Variants in SGMS1 observed in about 807,000 individuals in gnomAD.
The protein encoded by SGMS1 is sphingomyelin synthase 1.
In SGMS1, 13 loss-of-function variants were observed where a neutral mutation model predicts 46.2. The observed-to-expected ratio is 0.28, with a 90% confidence interval of 0.18 to 0.45. The LOEUF (loss-of-function observed/expected upper bound fraction) is 0.45. SGMS1 is among the 20% of genes least tolerant of loss of function. The probability of loss-of-function intolerance (pLI) is 1.00; values close to 1 mark genes in which losing one functional copy is unlikely to be tolerated. For synonymous variants in SGMS1, 203 were observed against 187.8 expected, an observed-to-expected ratio of 1.08 and a Z score of -0.66; for missense variants, 324 against 519.9, an observed-to-expected ratio of 0.62 and a Z score of 3.66.
At chr10:50,402,511 T>C (rs139577014) in intron 6 of SGMS1, among the ~76,000 whole-genome samples, 1 of 152,274 alleles carries the variant, frequency 6.6e-6, no homozygotes, top group African/African-American at 2.4e-5. Context: ...GCCAAGAAAA[T>C]ACTGCACAGT....
chr10:50,596,769 T>A (rs1012873934), intron 1 of SGMS1, among the ~76,000 whole-genome samples: 4 of 152,214 alleles, frequency 2.6e-5, no homozygotes, highest in African/African-American at 9.6e-5. Context: ...CTGCTCAGCA[T>A]GTTTCCTGCA....
intron 5 of SGMS1, among the ~76,000 whole-genome samples, chr10:50,452,204 A>T (rs573233456): frequency 6.6e-6 from 1 of 152,278 alleles, no homozygotes; most frequent in Admixed American, 6.5e-5. Context: ...GACAAAAATA[A>T]ATCTCATTTT....
intron 1 of SGMS1, among the ~76,000 whole-genome samples, chr10:50,618,798 C>T (rs755849815): frequency 3.9e-5 from 6 of 152,292 alleles, no homozygotes; most frequent in Non-Finnish European, 5.9e-5. Flanking sequence ...CTTAGAGCAG[C>T]GGTTCTCAAA....
chr10:50,386,467 C>T (rs1848684037), intron 6 of SGMS1, among the ~76,000 whole-genome samples: 2 of 152,162 alleles, frequency 1.3e-5, no homozygotes. Flanking sequence ...CTAAGCTCTT[C>T]AGCGTCCACA....
At chr10:50,369,740 A>C (rs2133440807) in intron 6 of SGMS1, among the ~76,000 whole-genome samples, 1 of 152,350 alleles carries the variant, frequency 6.6e-6, no homozygotes, top group East Asian at 1.9e-4. Flanking sequence ...AAGTTCTGCC[A>C]ATTCTACCTC....
At chr10:50,383,856 T>C (rs1239039387) in intron 6 of SGMS1, among the ~76,000 whole-genome samples, 1 of 152,138 alleles carries the variant, frequency 6.6e-6, no homozygotes, top group Non-Finnish European at 1.5e-5. Context: ...TAGGGCTATG[T>C]TTAGTAATAT....
At chr10:50,424,805 G>A (rs1425981959) in intron 6 of SGMS1, among the ~76,000 whole-genome samples, 3 of 151,858 alleles carry the variant, frequency 2.0e-5, no homozygotes, top group African/African-American at 7.3e-5. Flanking sequence ...CCAGCTACTC[G>A]GGAGGCTGAG....
chr10:50,434,995 G>A (rs1347707164), intron 5 of SGMS1, among the ~76,000 whole-genome samples: 1 of 151,960 alleles, frequency 6.6e-6, no homozygotes, highest in Non-Finnish European at 1.5e-5. Context: ...AAATAGCAAG[G>A]AAGAACTGAG....
chr10:50,603,963 AG>A (rs547010908), intron 1 of SGMS1, among the ~76,000 whole-genome samples: 416 of 152,360 alleles, frequency 2.7e-3, no homozygotes, highest in African/African-American at 9.7e-3. Flanking sequence ...TGTTTATTCT[AG>A]TAGGAGTTAC....
In SGMS1 at chr10:50,307,036, C is replaced by T. The variant is rs906145532; in HGVS notation, c.*106G>A. The T allele has an allele frequency of 5.4e-6, 6 of 1,108,028 alleles. No individual in the cohort carries two copies. The highest frequency in any genetic ancestry group is 7.6e-6 in the Non-Finnish European group (6 of 785,358). The allele number at this position is 1,108,028 out of a possible 1,614,324, so 68.6% of individuals were successfully genotyped here. A position where few individuals can be genotyped will look rare whatever the true frequency, so the allele number is the denominator to read the frequency against. On this transcript the variant is annotated 3_prime_UTR_variant, in exon 11 of 11. Transcript: ENST00000361781. This position sits in a 1 kb window ranked among gnomAD's most constrained non-coding sequence, Gnocchi z 4.2. ...AACTCAATAGGTTAAGTCAAGGTAA[C>T]CATTGAAAGATAATAGGATTAGGGA...
chr10:50,363,586 T>C (rs1010774844), intron 6 of SGMS1, among the ~76,000 whole-genome samples: 1 of 152,140 alleles, frequency 6.6e-6, no homozygotes, highest in Non-Finnish European at 1.5e-5. Context: ...TTAAACACAG[T>C]TGAAAGCAGT....
intron 3 of SGMS1, among the ~76,000 whole-genome samples, chr10:50,515,929 G>A (rs1038824409): frequency 6.6e-6 from 1 of 152,100 alleles, no homozygotes; most frequent in Non-Finnish European, 1.5e-5. Flanking sequence ...ATCTCTCATC[G>A]CAGAGCTCGG....
intron 6 of SGMS1, among the ~76,000 whole-genome samples, chr10:50,413,986 T>C (rs1276291099): frequency 6.6e-6 from 1 of 152,250 alleles, no homozygotes; most frequent in Admixed American, 6.5e-5. Context: ...AAGTTTTTAA[T>C]TTTTTAATTT....
chr10:50,619,606 G>A (rs938387680), intron 1 of SGMS1, among the ~76,000 whole-genome samples: 1 of 152,198 alleles, frequency 6.6e-6, no homozygotes, highest in East Asian at 1.9e-4. Context: ...CACAGTGAGA[G>A]GATCCTGTGC....
intron 7 of SGMS1, 23 bp from the exon 8 acceptor site, chr10:50,327,345 C>A (rs773944691): frequency 3.0e-6 from 4 of 1,320,744 alleles, no homozygotes; most frequent in East Asian, 2.3e-5. Context: ...AAAAACAGGG[C>A]AGATTCTCAG....
chr10:50,624,511 G>A (rs1480290555), upstream of SGMS1: 1 of 850,818 alleles, frequency 1.2e-6, no homozygotes, highest in East Asian at 1.2e-4. Flanking sequence ...AAAGCCTCTG[G>A]CGACGCCTGG....
At chr10:50,328,199 A>G in intron 7 of SGMS1, 1 of 259,266 alleles carries the variant, frequency 3.9e-6, no homozygotes, top group Non-Finnish European at 7.6e-6. Context: ...TGTTCAACTT[A>G]ACCTCATTAA....
chr10:50,462,032 G>A (rs183364909), intron 4 of SGMS1, among the ~76,000 whole-genome samples: 1 of 152,098 alleles, frequency 6.6e-6, no homozygotes, highest in Admixed American at 6.5e-5. Flanking sequence ...GTTTCAGGCC[G>A]GGCATGGTGG....
chr10:50,529,685 T>C (rs566558908), intron 2 of SGMS1, among the ~76,000 whole-genome samples: 2 of 152,330 alleles, frequency 1.3e-5, no homozygotes, highest in African/African-American at 4.8e-5. Context: ...AAATGCCATC[T>C]AATCGACTAT....
Sources: allele counts gnomAD v4.1 joint callset (sites outside exome capture counted in the v4.1 genomes callset), GRCh38; gene constraint gnomAD v4.1.1; non-coding constraint Gnocchi (gnomAD v3.1); transcripts MANE v1.5; gene names NCBI Gene and HGNC (gene_info 2026-07-23, HGNC 2026-07-21).